The following RAB28 variants were observed in gnomAD, a reference collection of about 807,000 sequenced individuals.
The protein encoded by RAB28 is RAB28, member RAS oncogene family.
A neutral mutation model predicts 31.7 loss-of-function variants in RAB28; 24 were observed. The ratio of observed to expected loss-of-function variants is 0.76; its 90% CI spans 0.55 to 1.06. The LOEUF is 1.06. RAB28 is among the 50% of genes least tolerant of loss of function. The pLI is 0.00. For synonymous variants in RAB28, 100 were observed against 90.4 expected, an observed-to-expected ratio of 1.11 and a Z score of -0.60; for missense variants, 254 against 258.5, an observed-to-expected ratio of 0.98 and a Z score of 0.12.
intron 4 of RAB28, among the ~76,000 whole-genome samples, chr4:13,389,317 AAGT>A (rs1263257474): frequency 6.6e-6 from 1 of 152,134 alleles, no homozygotes; most frequent in Non-Finnish European, 1.5e-5. Context: ...AGGAAAAAAG[AAGT>A]TGTTGTTTCA....
intron 3 of RAB28, among the ~76,000 whole-genome samples, chr4:13,473,203 T>G (rs1716199718): frequency 6.6e-6 from 1 of 151,976 alleles, no homozygotes; most frequent in African/African-American, 2.4e-5. Flanking sequence ...GCAGAGTGCT[T>G]AATATACTAT....
intron 4 of RAB28, among the ~76,000 whole-genome samples, chr4:13,445,067 T>C (rs946284552): frequency 3.3e-5 from 5 of 152,118 alleles, no homozygotes; most frequent in Non-Finnish European, 7.3e-5. Flanking sequence ...CTTGGAGGTT[T>C]TGTGCATTCC....
chr4:13,439,635 T>C (rs1714311192), intron 4 of RAB28, among the ~76,000 whole-genome samples: 1 of 152,192 alleles, frequency 6.6e-6, no homozygotes, highest in African/African-American at 2.4e-5. Flanking sequence ...GCATAAGCAC[T>C]TGGCCCAAGG....
intron 4 of RAB28, among the ~76,000 whole-genome samples, chr4:13,404,632 T>C (rs1711966173): frequency 6.6e-6 from 1 of 152,080 alleles, no homozygotes; most frequent in Non-Finnish European, 1.5e-5. Context: ...TATTCTAGGC[T>C]TCAAACATCT....
intron 4 of RAB28, among the ~76,000 whole-genome samples, chr4:13,430,884 G>C (rs941401562): frequency 6.6e-6 from 1 of 152,150 alleles, no homozygotes; most frequent in Non-Finnish European, 1.5e-5. Flanking sequence ...TTGGGACAAA[G>C]GAAACGGGTG....
intron 1 of RAB28, among the ~76,000 whole-genome samples, chr4:13,483,148 T>C (rs755771063): frequency 1.3e-4 from 20 of 152,158 alleles, no homozygotes; most frequent in East Asian, 1.9e-4. Flanking sequence ...GGAGGGATCA[T>C]AGACCCCTCT....
At chr4:13,432,099 G>T (rs1005253279) in intron 4 of RAB28, among the ~76,000 whole-genome samples, 1 of 152,038 alleles carries the variant, frequency 6.6e-6, no homozygotes, top group African/African-American at 2.4e-5. Flanking sequence ...AAAAAACCAA[G>T]TGGAACCTCT....
chr4:13,418,332 G>C (rs1271115271), intron 4 of RAB28, among the ~76,000 whole-genome samples: 2 of 152,166 alleles, frequency 1.3e-5, no homozygotes, highest in Admixed American at 6.5e-5. Context: ...ACACTCTTCA[G>C]GATATTATCC....
intron 5 of RAB28, among the ~76,000 whole-genome samples, chr4:13,379,691 G>T (rs1363042149): frequency 1.3e-5 from 2 of 152,108 alleles, no homozygotes; most frequent in Non-Finnish European, 2.9e-5. Flanking sequence ...GATAATAGAA[G>T]AGCCACAGTA....
intron 4 of RAB28, among the ~76,000 whole-genome samples, chr4:13,412,834 A>G (rs1712521797): frequency 6.6e-6 from 1 of 152,112 alleles, no homozygotes; most frequent in South Asian, 2.1e-4. Context: ...AGATACAAAA[A>G]CTCAGAGAAG....
intron 4 of RAB28, among the ~76,000 whole-genome samples, chr4:13,421,012 T>G (rs535975142): frequency 4.9e-4 from 74 of 152,262 alleles, no homozygotes; most frequent in African/African-American, 1.7e-3. Flanking sequence ...AACCCCATCA[T>G]CTCAGCCCAA....
intron 4 of RAB28, among the ~76,000 whole-genome samples, chr4:13,433,833 A>AT (rs1713950609): frequency 6.6e-6 from 1 of 152,102 alleles, no homozygotes; most frequent in Non-Finnish European, 1.5e-5. Flanking sequence ...AAAATAAACC[A>AT]TTTTACCGAA....
chr4:13,442,554 T>G (rs1290355484), intron 4 of RAB28, among the ~76,000 whole-genome samples: 2 of 151,850 alleles, frequency 1.3e-5, no homozygotes, highest in African/African-American at 4.8e-5. Flanking sequence ...TAACCAAAAT[T>G]TTAATCATTA....
chr4:13,462,743 AT>A (rs2108961935), intron 3 of RAB28, among the ~76,000 whole-genome samples: 1 of 152,308 alleles, frequency 6.6e-6, no homozygotes, highest in African/African-American at 2.4e-5. Flanking sequence ...CGTCTGGTTC[AT>A]TTTGGTCACT....
At chr4:13,416,377 G>A (rs1712779829) in intron 4 of RAB28, among the ~76,000 whole-genome samples, 1 of 152,114 alleles carries the variant, frequency 6.6e-6, no homozygotes, top group African/African-American at 2.4e-5. Flanking sequence ...AACATCAGAA[G>A]GAACAAACTC....
intron 5 of RAB28, among the ~76,000 whole-genome samples, chr4:13,379,386 T>C (rs536551586): frequency 6.6e-6 from 1 of 151,854 alleles, no homozygotes; most frequent in Non-Finnish European, 1.5e-5. Flanking sequence ...GGTACACCCA[T>C]GAAAAAGTGG....
intron 6 of RAB28, chr4:13,370,720 T>C (rs745633276): frequency 5.1e-5 from 50 of 984,968 alleles, no homozygotes; most frequent in Middle Eastern, 5.2e-4. Context: ...CTAACCTCCA[T>C]ACTTCCAAAT....
intron 4 of RAB28, among the ~76,000 whole-genome samples, chr4:13,424,019 C>A (rs992881223): frequency 1.6e-4 from 24 of 151,854 alleles, no homozygotes; most frequent in African/African-American, 5.8e-4. Flanking sequence ...ATGCTCTGTC[C>A]GTTAAAAATA....
At chr4:13,379,023 T>C (rs1198052622) in intron 5 of RAB28, among the ~76,000 whole-genome samples, 1 of 151,834 alleles carries the variant, frequency 6.6e-6, no homozygotes, top group Admixed American at 6.6e-5. Flanking sequence ...CTGGCCAAGA[T>C]GGTGAAACCC....
Sources: allele counts gnomAD v4.1 joint callset (sites outside exome capture counted in the v4.1 genomes callset), GRCh38; gene constraint gnomAD v4.1.1; transcripts MANE v1.5; gene names NCBI Gene and HGNC (gene_info 2026-07-23, HGNC 2026-07-21).